CROCC: variants seen among roughly 807,000 people sequenced by gnomAD.
The protein encoded by CROCC is ciliary rootlet coiled-coil, rootletin, also known as rootletin.
A neutral mutation model predicts 245.2 loss-of-function variants in CROCC; 180 were observed. The ratio of observed to expected loss-of-function variants is 0.73; its 90% CI spans 0.65 to 0.83. The LOEUF is 0.83. Among genes scored for constraint, CROCC ranks in the 40% least tolerant of loss-of-function variants. The pLI is 0.00. For synonymous variants in CROCC, 1,205 were observed against 1,241.6 expected (o/e 0.97, Z 0.62); for missense variants, 2,688 against 2,779.4 (o/e 0.97, Z 0.74).
chr1:16,965,280 C>T (rs974418254), intron 27 of CROCC, among the ~76,000 whole-genome samples: 2 of 152,192 alleles, frequency 1.3e-5, no homozygotes, highest in African/African-American at 4.8e-5. Context: ...TTGCACTGGG[C>T]CCTGGGAACA....
chr1:16,952,965 A>G (rs187729115), intron 20 of CROCC: 4 of 242,216 alleles, frequency 1.7e-5, no homozygotes, highest in East Asian at 8.6e-5. Flanking sequence ...GTGACTCACC[A>G]TGTCCCGTTC....
chr1:16,937,214 G>A (rs1453032424), intron 9 of CROCC, among the ~76,000 whole-genome samples: 6 of 152,262 alleles, frequency 3.9e-5, no homozygotes, highest in East Asian at 1.9e-4. Context: ...TTAGCTGGGC[G>A]TGGTGGCGCG....
In CROCC at chr1:16,952,558, C is replaced by T. The variant is rs368892191; in HGVS notation, c.3007-744C>T. The stretch of plus-strand genomic sequence containing the variant: ...CTAGGGGCAAGTGCTGAGGCAGGCA[C>T]CTGCCCTCAGGCTCCCCAGGTGGGC... On this transcript the variant is annotated intron_variant, in intron 20 of 36. Transcript: ENST00000375541. 2.5e-4 allele frequency among the ~76,000 whole-genome samples: 38 copies of T among 152,216 alleles called. No individual in the cohort carries two copies. In the East Asian group the frequency reaches 6.4e-3, roughly 26 times the overall value.
Position 16,966,705 on chromosome 1 carries a change from C to T in CROCC, c.4860+134C>T. 1 of 1,018,316 alleles carries T rather than the reference C, an allele frequency of 9.8e-7. No homozygotes were observed. Among genetic ancestry groups the T allele is most frequent in the South Asian group, 2.0e-5 (1 of 50,590 alleles). 63.1% of individuals were successfully genotyped at this position (1,018,316 alleles called of 1,614,324 possible). Reference sequence around the variant, plus strand: ...ACCCACTGAGGTGACCAGCCTGTGACTCTGTGAAACCATGTTCAGACTCCA... The same window carrying T: ...ACCCACTGAGGTGACCAGCCTGTGATTCTGTGAAACCATGTTCAGACTCCA... On this transcript the variant is annotated intron_variant, in intron 30 of 36. Coordinates refer to ENST00000375541, the MANE Select transcript of CROCC (RefSeq NM_014675.5). This position sits in a 1 kb window ranked among gnomAD's most constrained non-coding sequence, Gnocchi z 4.8.
chr1:16,948,468 G>A lies in CROCC; in HGVS notation c.2652G>A (p.Gln884=). The change falls in exon 18 of 37, where the codon CAG becomes CAA. Residue 884 remains glutamine, a synonymous_variant. Transcript: ENST00000375541. ...LAKEHAGLAV[Q]LVAAEREGRT... is the part of the protein sequence containing the mutation. ...AGGAGCACGCTGGCCTGGCTGTGCAGCTGGTGGCTGCGGAGCGTGAAGGCA... is the reference window on the plus strand; with the variant it reads ...AGGAGCACGCTGGCCTGGCTGTGCAACTGGTGGCTGCGGAGCGTGAAGGCA... The A allele has an allele frequency of 6.4e-7, 1 of 1,557,546 alleles. No homozygotes were observed. Among genetic ancestry groups the A allele is most frequent in the South Asian group, 1.2e-5 (1 of 84,736 alleles).
chr1:16,967,771 C>T (rs1042323864), intron 30 of CROCC, among the ~76,000 whole-genome samples: 1 of 152,106 alleles, frequency 6.6e-6, no homozygotes, highest in Non-Finnish European at 1.5e-5. Flanking sequence ...AACAGCAGGG[C>T]CCCCTCAGAA....
chr1:16,914,304 AG>A lies in CROCC; in HGVS notation n.126-15980del, dbSNP rs1278884143. On this transcript the variant is annotated intron_variant and non_coding_transcript_variant, in intron 1 of 8. Coordinates refer to the CROCC transcript ENST00000466256. Reference sequence around the variant, plus strand: ...CGGAGGCCAGGAGAGCGTTCCCAACAGGCTCCGCGGATGCCCCGCCGCGTCC... The same window carrying A: ...CGGAGGCCAGGAGAGCGTTCCCAACAGCTCCGCGGATGCCCCGCCGCGTCC... Among the ~76,000 whole-genome samples, 4 of 152,274 alleles carry A rather than the reference AG, an allele frequency of 2.6e-5. No homozygotes were observed. The South Asian group carries it at 8.3e-4, about 32-fold the overall frequency.
chr1:16,961,030 C>A lies in CROCC; in HGVS notation c.4305C>A (p.Gly1435=). The A allele has an allele frequency of 7.6e-7, 1 of 1,310,160 alleles. No individual in the cohort carries two copies. The highest frequency in any genetic ancestry group is 2.2e-5 in the South Asian group (1 of 44,506). The allele number at this position is 1,310,160 out of a possible 1,614,324, so 81.2% of individuals were successfully genotyped here. The part of the protein sequence containing the change: ...QRRAAEAQLG[G]LRSALRRGLG... ...GCGCGGCGGAGGCCCAGCTGGGTGG[C>A]CTGCGCTCGGCTCTGCGCCGGGGCC... The change falls in exon 27 of 37, where the codon GGC becomes GGA. Residue 1435 remains glycine, a synonymous_variant. Coordinates refer to ENST00000375541, the MANE Select transcript of CROCC (RefSeq NM_014675.5).
chr1:16,924,274 G>C (rs748834822), intron 2 of CROCC, 51 bp from the exon 3 acceptor site: 1 of 1,591,440 alleles, frequency 6.3e-7, no homozygotes. Flanking sequence ...TTGGGGGGAG[G>C]ATGTCCCACT....
intron 31 of CROCC, 58 bp from the exon 32 acceptor site, chr1:16,969,058 C>G: frequency 6.7e-7 from 1 of 1,501,564 alleles, no homozygotes; most frequent in African/African-American, 1.4e-5. Context: ...ACAGTGGGAG[C>G]AGAGGTATAG....
chr1:16,970,677 G>T lies in CROCC; in HGVS notation c.5694G>T (p.Arg1898=), dbSNP rs773245538. ...EKLRSHEDTV[R]LSAEKGRLDR... ...TTCGTAGCCATGAGGACACAGTGCG[G>T]CTGAGCGCAGAGAAGGGCCGCCTGG... Residue 1898 remains arginine (R), a synonymous_variant, in exon 35 of 37, where the codon CGG becomes CGT. Transcript: ENST00000375541. The T allele has an allele frequency of 6.9e-6, 11 of 1,598,414 alleles. No individual in the cohort carries two copies. Among genetic ancestry groups the T allele is most frequent in the Middle Eastern group, 1.7e-4 (1 of 5,810 alleles).
rs368304788 is a variant in CROCC at position 16,946,349 on chromosome 1, G to A, written c.2227G>A (p.Ala743Thr). The A allele has an allele frequency of 2.4e-5, 38 of 1,613,286 alleles. No homozygotes were observed. The highest frequency in any genetic ancestry group is 3.4e-4 in the Middle Eastern group (2 of 5,868). ...SLQDSLSKLS[A>T]LNESLAQDKL... ...GCAGGACTCCCTGTCCAAGCTGAGC[G>A]CCCTCAACGAGAGCCTTGCTCAGGA... The change falls in exon 16 of 37, where the codon GCC becomes ACC. Residue 743 changes from alanine to threonine, a missense_variant. Ala to Thr is a moderately conservative substitution (Grantham distance 58). Around this residue, in one of 9 missense-constraint regions of CROCC, gnomAD observed 295 missense variants for 241.7 expected, o/e 1.22. Coordinates refer to ENST00000375541, the MANE Select transcript of CROCC (RefSeq NM_014675.5).
intron 1 of CROCC, among the ~76,000 whole-genome samples, chr1:16,916,871 A>C (rs1433132527): frequency 6.6e-6 from 1 of 152,280 alleles, no homozygotes; most frequent in Non-Finnish European, 1.5e-5. Context: ...TAATCCCAGC[A>C]CTTTGAGAGG....
chr1:16,915,555 C>T (rs1475961379), intron 1 of CROCC, among the ~76,000 whole-genome samples: 1 of 152,054 alleles, frequency 6.6e-6, no homozygotes, highest in African/African-American at 2.4e-5. Flanking sequence ...TGGGAGGATC[C>T]CTTAAGCCCA....
chr1:16,914,115 G>A (rs1312816164), intron 1 of CROCC, among the ~76,000 whole-genome samples: 5 of 151,424 alleles, frequency 3.3e-5, no homozygotes, highest in African/African-American at 7.2e-5. Flanking sequence ...CGGCAGCAGC[G>A]GCTGCGGCGA....
chr1:16,949,319 C>T (rs1388528591), intron 19 of CROCC, among the ~76,000 whole-genome samples: 2 of 152,204 alleles, frequency 1.3e-5, no homozygotes, highest in Non-Finnish European at 2.9e-5. Flanking sequence ...CACTTCCCTG[C>T]ACCGTTCCCA....
intron 25 of CROCC, among the ~76,000 whole-genome samples, chr1:16,957,002 T>C (rs2076259398): frequency 1.3e-5 from 2 of 152,368 alleles, no homozygotes; most frequent in South Asian, 4.1e-4. Context: ...CCAGGCGCAG[T>C]GGCTCACACC....
chr1:16,935,567 C>G (rs1177576709), intron 8 of CROCC, among the ~76,000 whole-genome samples: 1 of 152,282 alleles, frequency 6.6e-6, no homozygotes, highest in South Asian at 2.1e-4. Context: ...ACTACAGGCG[C>G]CTGCCACCTC....
intron 27 of CROCC, among the ~76,000 whole-genome samples, chr1:16,965,476 G>A (rs772528128): frequency 2.6e-5 from 4 of 152,246 alleles, no homozygotes; most frequent in Non-Finnish European, 4.4e-5. Context: ...TGGGGAGAAG[G>A]GGAGCAGCAT....
Sources: gnomAD v4.1 joint callset for allele counts (sites outside exome capture counted in the v4.1 genomes callset) on GRCh38, gnomAD v4.1.1 for gene constraint, gnomAD v4.1.1 regional missense constraint, Gnocchi (gnomAD v3.1) non-coding constraint, MANE v1.5 for transcripts, NCBI Gene and HGNC (gene_info 2026-07-23, HGNC 2026-07-21) for gene names.